Variants in KY observed in about 807,000 individuals in gnomAD.
KY encodes kyphoscoliosis peptidase.
Under a neutral mutation model 76.1 loss-of-function variants are expected in KY, and 43 were observed. That is an observed-to-expected ratio of 0.57 (90% CI 0.44 to 0.73). The LOEUF (loss-of-function observed/expected upper bound fraction) is 0.73, where lower values mean the gene tolerates loss of function less well. KY is among the 30% of genes least tolerant of loss of function. The pLI, the probability that KY is intolerant of heterozygous loss-of-function variation, is 0.00. For missense variants in KY, 722 were observed against 828.9 expected, an observed-to-expected ratio of 0.87 and a Z score of 1.58; for synonymous variants, 277 against 326.2, an observed-to-expected ratio of 0.85 and a Z score of 1.63.
intron 10 of KY, among the ~76,000 whole-genome samples, chr3:134,606,402 T>G (rs1959203720): frequency 6.6e-6 from 1 of 152,102 alleles, no homozygotes; most frequent in African/African-American, 2.4e-5. Context: ...CCACAACCCT[T>G]CATGCCTCAG....
intron 1 of KY, among the ~76,000 whole-genome samples, chr3:134,647,997 T>C (rs917958024): frequency 3.3e-5 from 5 of 152,188 alleles, no homozygotes; most frequent in African/African-American, 1.2e-4. Context: ...GGCCTAGCCA[T>C]GGCCAATCTG....
At chr3:134,620,902 G>C (rs1392858386) in intron 6 of KY, 45 bp from the exon 7 acceptor site, 1 of 1,172,706 alleles carries the variant, frequency 8.5e-7, no homozygotes, top group African/African-American at 1.5e-5. Flanking sequence ...TCGAGGAGGG[G>C]CTGTTGGGGG....
chr3:134,619,670 G>C (rs555889519), intron 7 of KY, among the ~76,000 whole-genome samples: 34 of 152,370 alleles, frequency 2.2e-4, no homozygotes, highest in African/African-American at 8.2e-4. Context: ...TCCAAGTGGA[G>C]AAGGCTGCTC....
rs1348418896 is a variant in KY at position 134,620,781 on chromosome 3, C to T, written c.560G>A (p.Arg187His). ...ATGGCAGATCCAGATCCAGATGGCG[C>T]GGACCCTTTCCAGGTCAGTGTGGGC... ...QEAHTDLERV[R>H]AIWIWICHHI... is the part of the protein sequence containing the mutation. Residue 187 changes from arginine to histidine, a missense_variant, in exon 7 of 11, where the codon CGC becomes CAC. This residue lies in a region of KY where 552 missense variants were observed against 680.9 expected (regional missense o/e 0.81). Coordinates refer to ENST00000423778, the MANE Select transcript of KY (RefSeq NM_178554.6). 14 of 1,613,592 alleles carry T rather than the reference C, an allele frequency of 8.7e-6. No homozygotes were observed. Among genetic ancestry groups the T allele is most frequent in the Admixed American group, 3.3e-5 (2 of 59,982 alleles).
intron 3 of KY, among the ~76,000 whole-genome samples, chr3:134,642,873 C>A (rs1249129347): frequency 6.6e-6 from 1 of 152,186 alleles, no homozygotes; most frequent in Non-Finnish European, 1.5e-5. Flanking sequence ...ACATGACAGC[C>A]TTTCCAAGCC....
At chr3:134,624,162 G>A (rs974046566) in intron 6 of KY, among the ~76,000 whole-genome samples, 2 of 152,080 alleles carry the variant, frequency 1.3e-5, no homozygotes, top group African/African-American at 4.8e-5. Context: ...CCAGCTATCT[G>A]GGAGCCCCTC....
At chr3:134,620,667 G>A (rs1397463217) in intron 7 of KY, 82 bp downstream of exon 7, 18 of 968,808 alleles carry the variant, frequency 1.9e-5, no homozygotes, top group Middle Eastern at 2.1e-4. Context: ...CTCTGCACAC[G>A]TGAATAAGCT....
intron 3 of KY, among the ~76,000 whole-genome samples, chr3:134,636,872 A>G (rs1481041996): frequency 6.6e-6 from 1 of 152,192 alleles, no homozygotes; most frequent in Non-Finnish European, 1.5e-5. Flanking sequence ...GCCTATACTT[A>G]GTTACCATTT....
chr3:134,608,354 C>G, intron 10 of KY: 1 of 1,329,122 alleles, frequency 7.5e-7, no homozygotes, highest in Middle Eastern at 2.2e-4. Context: ...GTGTGTTCAG[C>G]CTTCAAGTTC....
Position 134,608,763 on chromosome 3 carries a change from G to A in KY, c.976C>T (p.Leu326=), listed in dbSNP as rs1959725568. 1.2e-6 allele frequency: 2 copies of A among 1,613,928 alleles called. No homozygotes were observed. The highest frequency in any genetic ancestry group is 3.3e-5 in the Admixed American group (2 of 60,008). ...CTCAGAGATTGAGGAGGTTTTAGCAGCTGCCAGTTCTTGTTGTCTGGGAAG... is the reference window on the plus strand; with the variant it reads ...CTCAGAGATTGAGGAGGTTTTAGCAACTGCCAGTTCTTGTTGTCTGGGAAG... ...DHFPDNKNWQ[L]LKPPQSLRQF... is the part of the protein sequence containing the mutation. The change falls in exon 10 of 11, where the codon CTG becomes TTG. Residue 326 remains leucine, a synonymous_variant. Coordinates refer to ENST00000423778, the MANE Select transcript of KY (RefSeq NM_178554.6).
At chr3:134,648,084 G>A (rs770108864) in intron 1 of KY, among the ~76,000 whole-genome samples, 92 of 152,344 alleles carry the variant, frequency 6.0e-4, no homozygotes, top group African/African-American at 1.9e-3. Flanking sequence ...CTCTGGCTGC[G>A]GCTGCAAGTG....
intron 3 of KY, among the ~76,000 whole-genome samples, chr3:134,639,361 T>C (rs1965421487): frequency 6.6e-6 from 1 of 152,162 alleles, no homozygotes; most frequent in Admixed American, 6.5e-5. Context: ...CATTATGAGA[T>C]GACAACCTAG....
At chr3:134,614,782 T>C (rs1961205542) in intron 8 of KY, among the ~76,000 whole-genome samples, 1 of 152,212 alleles carries the variant, frequency 6.6e-6, no homozygotes, top group African/African-American at 2.4e-5. Context: ...ATGATGCTCC[T>C]ACAGTCAGTA....
intron 3 of KY, among the ~76,000 whole-genome samples, chr3:134,630,711 T>G (rs1964097054): frequency 6.6e-6 from 1 of 152,186 alleles, no homozygotes; most frequent in Admixed American, 6.5e-5. Context: ...AGGGCAGATC[T>G]GTATAGCATT....
chr3:134,619,082 A>C, intron 8 of KY, 66 bp downstream of exon 8: 1 of 1,331,714 alleles, frequency 7.5e-7, no homozygotes, highest in Non-Finnish European at 1.1e-6. Flanking sequence ...GCAAAGGCAC[A>C]TGGCACTGTG....
At chr3:134,625,432 G>A (rs548103383) in intron 5 of KY, among the ~76,000 whole-genome samples, 2 of 152,384 alleles carry the variant, frequency 1.3e-5, no homozygotes, top group East Asian at 3.9e-4. Context: ...AGTTAACCCA[G>A]TAGTTCCCAG....
At chr3:134,604,611 T>C in intron 10 of KY, 137 bp from the exon 11 acceptor site, 1 of 712,494 alleles carries the variant, frequency 1.4e-6, no homozygotes, top group Non-Finnish European at 2.3e-6. Context: ...GTTAATACTT[T>C]CACCACAGTC....
chr3:134,650,998 A>G lies in KY; in HGVS notation c.-38T>C. ...TTTCCGACCTGGGCGCCGCGGCCGC[A>G]CGCTAGGCTGCTTGCGCTGCAAATG... On this transcript the variant is annotated 5_prime_UTR_variant, in exon 1 of 11. Coordinates refer to ENST00000423778, the MANE Select transcript of KY (RefSeq NM_178554.6). 6.2e-7 allele frequency: 1 copy of G among 1,611,790 alleles called. No homozygotes were observed. The highest frequency in any genetic ancestry group is 8.5e-7 in the Non-Finnish European group (1 of 1,178,932).
At chr3:134,618,831 C>G (rs1962059296) in intron 8 of KY, among the ~76,000 whole-genome samples, 1 of 152,206 alleles carries the variant, frequency 6.6e-6, no homozygotes, top group Admixed American at 6.5e-5. Flanking sequence ...TCCTCCCGCT[C>G]CCAGGCCTGC....
Sources: gnomAD v4.1 joint callset for allele counts (sites outside exome capture counted in the v4.1 genomes callset) on GRCh38, gnomAD v4.1.1 for gene constraint, gnomAD v4.1.1 regional missense constraint, MANE v1.5 for transcripts, NCBI Gene and HGNC (gene_info 2026-07-23, HGNC 2026-07-21) for gene names.